Variants in IL1RAPL2 observed in about 807,000 individuals in gnomAD.
IL1RAPL2 encodes the protein interleukin 1 receptor accessory protein like 2.
Under a neutral mutation model 44.1 loss-of-function variants are expected in IL1RAPL2, and 3 were observed. That is an observed-to-expected ratio of 0.07 (90% CI 0.03 to 0.18). The LOEUF is 0.18. Among genes scored for constraint, IL1RAPL2 ranks in the 10% least tolerant of loss-of-function variants. IL1RAPL2 has a pLI of 1.00. For synonymous variants in IL1RAPL2, 181 were observed against 178.8 expected (o/e 1.01, Z -0.10); for missense variants, 391 against 496.4 (o/e 0.79, Z 2.02).
intron 5 of IL1RAPL2, among the ~76,000 whole-genome samples, chrX:105,359,677 A>G (rs770485131): frequency 6.1e-4 from 68 of 110,718 alleles, no homozygotes; most frequent in Admixed American, 9.7e-4. Flanking sequence ...TGGAGAGTCT[A>G]TAGGATACAT....
chrX:105,764,143 C>T (rs1417467728), intron 10 of IL1RAPL2, among the ~76,000 whole-genome samples: 1 of 111,475 alleles, frequency 9.0e-6, no homozygotes, highest in African/African-American at 3.3e-5. Flanking sequence ...AGGGACCACT[C>T]CCTCTCTCCA....
Position 105,298,898 on chromosome X carries a change from A to G in IL1RAPL2, c.697+31357A>G, listed in dbSNP as rs187590662. On this transcript the variant is annotated intron_variant, in intron 5 of 10. Transcript: ENST00000372582. The stretch of plus-strand genomic sequence containing the variant: ...TGAATAAGTGGAAGACTAGGAATAG[A>G]TCATTGCATTTGGCAACATGTAGGT... 7.2e-5 allele frequency among the ~76,000 whole-genome samples: 8 copies of G among 111,660 alleles called. No individual in the cohort carries two copies. The East Asian group carries it at 2.3e-3, about 32-fold the overall frequency.
intron 5 of IL1RAPL2, among the ~76,000 whole-genome samples, chrX:105,325,849 T>G (rs6523835): frequency 0.1 from 11,222 of 110,311 alleles, 1,476 homozygotes; most frequent in African/African-American, 0.36. Flanking sequence ...TCTTTTCATA[T>G]GCTTATTGGC....
chrX:105,342,228 A>G (rs1195362126), intron 5 of IL1RAPL2, among the ~76,000 whole-genome samples: 2 of 109,597 alleles, frequency 1.8e-5, no homozygotes, highest in African/African-American at 6.7e-5. Flanking sequence ...GTTAATGGGT[A>G]CAGCACAGCA....
intron 6 of IL1RAPL2, among the ~76,000 whole-genome samples, chrX:105,681,595 TA>T (rs1007704158): frequency 3.6e-5 from 4 of 111,434 alleles, no homozygotes; most frequent in Non-Finnish European, 5.6e-5. Context: ...CTGTCTCTAC[TA>T]AAAATACAAA....
At chrX:105,052,816 G>T (rs905261130) in intron 2 of IL1RAPL2, among the ~76,000 whole-genome samples, 1 of 109,768 alleles carries the variant, frequency 9.1e-6, no homozygotes, top group Non-Finnish European at 1.9e-5. Context: ...CTATCAACCT[G>T]TCATCTAGGT....
At chrX:105,376,899 A>G (rs888937822) in intron 5 of IL1RAPL2, among the ~76,000 whole-genome samples, 5 of 112,351 alleles carry the variant, frequency 4.5e-5, no homozygotes, top group Admixed American at 2.8e-4. Flanking sequence ...TCATCATTTG[A>G]CACATTAATT....
At chrX:105,555,073 G>GT (rs1398197381) in intron 6 of IL1RAPL2, among the ~76,000 whole-genome samples, 10 of 101,514 alleles carry the variant, frequency 9.9e-5, no homozygotes, top group African/African-American at 3.7e-4. Flanking sequence ...CTCTCTGGTA[G>GT]TTGTTTTTTT....
chrX:104,967,444 T>TA (rs986235568), intron 2 of IL1RAPL2, among the ~76,000 whole-genome samples: 2 of 110,730 alleles, frequency 1.8e-5, no homozygotes, highest in African/African-American at 6.5e-5. Context: ...TTAACTATAT[T>TA]AAAAAATAAA....
At chrX:104,941,208 G>C (rs1400098501) in intron 2 of IL1RAPL2, among the ~76,000 whole-genome samples, 8 of 110,700 alleles carry the variant, frequency 7.2e-5, no homozygotes, top group African/African-American at 2.0e-4. Context: ...AATCCTTTGG[G>C]TATATACCCA....
chrX:105,321,796 T>C (rs192000625), intron 5 of IL1RAPL2, among the ~76,000 whole-genome samples: 1 of 112,634 alleles, frequency 8.9e-6, no homozygotes, highest in Admixed American at 9.4e-5. Context: ...CTGACATTTG[T>C]GTTTGGATTT....
At chrX:104,916,441 T>C (rs1329410400) in intron 2 of IL1RAPL2, among the ~76,000 whole-genome samples, 1 of 111,979 alleles carries the variant, frequency 8.9e-6, no homozygotes, top group Non-Finnish European at 1.9e-5. Context: ...TTTGCTGAAG[T>C]TGCTTATCAG....
At chrX:105,372,512 AT>A (rs2035350199) in intron 5 of IL1RAPL2, among the ~76,000 whole-genome samples, 1 of 110,560 alleles carries the variant, frequency 9.0e-6, no homozygotes, top group Non-Finnish European at 1.9e-5. Flanking sequence ...TCAGGGGTAC[AT>A]GTGCAGTTTT....
chrX:105,601,378 G>C (rs942591751), intron 6 of IL1RAPL2, among the ~76,000 whole-genome samples: 1 of 111,235 alleles, frequency 9.0e-6, no homozygotes, highest in Non-Finnish European at 1.9e-5. Flanking sequence ...TAGAATGTCT[G>C]TGAGAGTACA....
Position 105,410,258 on chromosome X carries a change from A to G in IL1RAPL2, c.698-74055A>G, listed in dbSNP as rs180883857. ...ATATATGGGAGTCATCAGTATCTAT[A>G]TGTTATATAAAGTCATGAAGCAGAG... On this transcript the variant is annotated intron_variant, in intron 5 of 10. Coordinates refer to ENST00000372582, the MANE Select transcript of IL1RAPL2 (RefSeq NM_017416.2). Among the ~76,000 whole-genome samples, 500 of 110,627 alleles carry G rather than the reference A, an allele frequency of 4.5e-3. 1 individual carries two copies. The highest frequency in any genetic ancestry group is 0.019 in the Middle Eastern group (4 of 216).
At chrX:105,197,348 A>G (rs1372775498) in intron 3 of IL1RAPL2, among the ~76,000 whole-genome samples, 5 of 111,428 alleles carry the variant, frequency 4.5e-5, no homozygotes, top group African/African-American at 1.6e-4. Context: ...AAACCCACCA[A>G]TCAAAATTAT....
intron 1 of IL1RAPL2, among the ~76,000 whole-genome samples, chrX:104,650,501 TTC>T (rs1930132598): frequency 9.0e-6 from 1 of 111,249 alleles, no homozygotes; most frequent in African/African-American, 3.3e-5. Flanking sequence ...ATGATGATAT[TTC>T]AGGCCGACTG....
intron 6 of IL1RAPL2, among the ~76,000 whole-genome samples, chrX:105,569,171 G>A (rs2036996830): frequency 9.0e-6 from 1 of 111,647 alleles, no homozygotes; most frequent in Admixed American, 9.5e-5. Flanking sequence ...TCATTATAAA[G>A]TATGGATAAT....
intron 2 of IL1RAPL2, among the ~76,000 whole-genome samples, chrX:104,827,857 A>G (rs1223379337): frequency 2.7e-5 from 3 of 111,603 alleles, no homozygotes; most frequent in African/African-American, 9.8e-5. Flanking sequence ...CTTGTCTTCA[A>G]ACTTTATTTC....
Sources: allele counts gnomAD v4.1 joint callset (sites outside exome capture counted in the v4.1 genomes callset), GRCh38; gene constraint gnomAD v4.1.1; transcripts MANE v1.5; gene names NCBI Gene and HGNC (gene_info 2026-07-23, HGNC 2026-07-21).